Variants in PPP2R5E observed in about 807,000 individuals in gnomAD.
PPP2R5E encodes serine/threonine-protein phosphatase 2A 56 kDa regulatory subunit epsilon isoform.
Under a neutral mutation model 65.3 loss-of-function variants are expected in PPP2R5E, and 4 were observed. The observed-to-expected ratio is 0.06, with a 90% CI of 0.03 to 0.14. The LOEUF is 0.14. Ranked by LOEUF, PPP2R5E falls within the 10% of genes least tolerant of loss-of-function variation. The probability of loss-of-function intolerance (pLI) is 1.00; values close to 1 mark genes in which losing one functional copy is unlikely to be tolerated. For missense variants in PPP2R5E, 274 were observed against 556.1 expected (o/e 0.49, Z 5.10); for synonymous variants, 183 against 187.4 (o/e 0.98, Z 0.19).
chr14:63,396,793 C>T lies in PPP2R5E; in HGVS notation c.550-77G>A, dbSNP rs74060071. 2.3e-3 allele frequency: 3,463 copies of T among 1,537,788 alleles called. 73 individuals carry two copies. The African/African-American group carries it at 0.043, about 19-fold the overall frequency. On this transcript the variant is annotated intron_variant, in intron 5 of 13. Transcript: ENST00000337537. ...TTTAGGAATTCTATTATTTAAAATC[C>T]CCTTCTTCCTTCCTCAAAAAATGTG...
chr14:63,458,243 T>C (rs1298287227), intron 2 of PPP2R5E, among the ~76,000 whole-genome samples: 1 of 152,192 alleles, frequency 6.6e-6, no homozygotes. Flanking sequence ...GGCACTCCCC[T>C]CACCCTAATC....
chr14:63,531,963 A>C (rs189080578), intron 2 of PPP2R5E, among the ~76,000 whole-genome samples: 3 of 152,212 alleles, frequency 2.0e-5, no homozygotes, highest in African/African-American at 7.2e-5. Context: ...CAAAACACAC[A>C]CACACACACA....
intron 2 of PPP2R5E, among the ~76,000 whole-genome samples, chr14:63,470,126 C>T (rs1233364061): frequency 6.6e-6 from 1 of 152,008 alleles, no homozygotes; most frequent in Non-Finnish European, 1.5e-5. Flanking sequence ...CGCTAGAGTG[C>T]AGTGGCACAG....
At chr14:63,503,376 T>C (rs1891993299) in intron 2 of PPP2R5E, among the ~76,000 whole-genome samples, 1 of 151,830 alleles carries the variant, frequency 6.6e-6, no homozygotes, top group East Asian at 1.9e-4. Context: ...TATGTAGAGG[T>C]TAGAAACAAG....
chr14:63,434,176 A>G (rs907544697), intron 3 of PPP2R5E, among the ~76,000 whole-genome samples: 4 of 152,056 alleles, frequency 2.6e-5, no homozygotes, highest in African/African-American at 9.7e-5. Context: ...AATTCAAGTA[A>G]TTTAATTTGC....
chr14:63,421,976 A>T lies in PPP2R5E; in HGVS notation c.456+17T>A. On this transcript the variant is annotated intron_variant, in intron 4 of 13. Coordinates refer to ENST00000337537, the MANE Select transcript of PPP2R5E (RefSeq NM_006246.5). ...TTAATGGAGTTTTCTTTTATAACAA[A>T]TGGTATTTCAAAGTACCTGTAAGTG... 6.4e-7 allele frequency: 1 copy of T among 1,568,594 alleles called. No homozygotes were observed. The highest frequency in any genetic ancestry group is 8.8e-7 in the Non-Finnish European group (1 of 1,139,034).
chr14:63,404,488 A>C (rs1296771454), intron 5 of PPP2R5E, among the ~76,000 whole-genome samples: 1 of 152,208 alleles, frequency 6.6e-6, no homozygotes, highest in Non-Finnish European at 1.5e-5. Context: ...GAACAAAGAA[A>C]CCAGAGCCAA....
At chr14:63,435,854 A>C (rs1272816354) in intron 3 of PPP2R5E, among the ~76,000 whole-genome samples, 1 of 152,222 alleles carries the variant, frequency 6.6e-6, no homozygotes, top group East Asian at 1.9e-4. Context: ...AAACCATCAC[A>C]GGGAAATGAT....
At chr14:63,446,473 T>A (rs1397386054) in intron 3 of PPP2R5E, among the ~76,000 whole-genome samples, 1 of 152,264 alleles carries the variant, frequency 6.6e-6, no homozygotes, top group South Asian at 2.1e-4. Flanking sequence ...ATAATAAGAC[T>A]TGAAAATCAA....
chr14:63,383,114 A>G (rs1884464836), intron 12 of PPP2R5E, among the ~76,000 whole-genome samples: 1 of 152,218 alleles, frequency 6.6e-6, no homozygotes, highest in African/African-American at 2.4e-5. Flanking sequence ...CTAAACAGCC[A>G]AAATGGTAGC....
At chr14:63,415,720 TAAG>T (rs1374431779) in intron 4 of PPP2R5E, among the ~76,000 whole-genome samples, 1 of 152,220 alleles carries the variant, frequency 6.6e-6, no homozygotes, top group Non-Finnish European at 1.5e-5. Context: ...TTAGTAGCTG[TAAG>T]TAGTCCATTA....
chr14:63,402,316 T>G (rs913468151), intron 5 of PPP2R5E, among the ~76,000 whole-genome samples: 1 of 152,166 alleles, frequency 6.6e-6, no homozygotes, highest in Non-Finnish European at 1.5e-5. Context: ...AAGTCACCAG[T>G]TGCCAAGTGT....
chr14:63,385,910 T>C (rs148184476), intron 11 of PPP2R5E, among the ~76,000 whole-genome samples: 89 of 152,308 alleles, frequency 5.8e-4, no homozygotes, highest in African/African-American at 2.1e-3. Flanking sequence ...TTAGATCCCT[T>C]TTCTCTGCCC....
intron 2 of PPP2R5E, among the ~76,000 whole-genome samples, chr14:63,480,666 G>A (rs948346263): frequency 5.3e-5 from 8 of 152,148 alleles, no homozygotes; most frequent in East Asian, 3.9e-4. Flanking sequence ...GGCTGGTCTC[G>A]AACTCCTAGT....
rs35587312 is a variant in PPP2R5E at position 63,374,634 on chromosome 14, G to GATATAT, written c.*1369_*1374dup. 1,074 of 109,344 alleles carry GATATAT rather than the reference G, an allele frequency of 9.8e-3. 9 individuals are homozygous for GATATAT. The highest frequency in any genetic ancestry group is 0.013 in the Non-Finnish European group (741 of 59,006). 6.8% of individuals were successfully genotyped at this position (109,344 alleles called of 1,614,324 possible). A position where few individuals can be genotyped will look rare whatever the true frequency, so the allele number is the denominator to read the frequency against. On this transcript the variant is annotated 3_prime_UTR_variant, in exon 14 of 14. Coordinates refer to ENST00000337537, the MANE Select transcript of PPP2R5E (RefSeq NM_006246.5). ...TAAATACAAAGCAGAGAGCCAATAAGATATATATATATATATATATATATA... is the reference window on the plus strand; with the variant it reads ...TAAATACAAAGCAGAGAGCCAATAAGATATATATATATATATATATATATATATATA...
intron 13 of PPP2R5E, among the ~76,000 whole-genome samples, chr14:63,379,115 G>A (rs906885654): frequency 4.0e-5 from 6 of 150,078 alleles, no homozygotes; most frequent in African/African-American, 1.2e-4. Context: ...TGCAAGCTCT[G>A]CCTCCTGGGT....
At position 63,415,250 on chromosome 14, in the gene PPP2R5E, T is replaced by A. The variant is rs1431724952; in HGVS notation, c.457-18A>T. The A allele has an allele frequency of 1.9e-6, 3 of 1,545,872 alleles. No homozygotes were observed. The highest frequency in any genetic ancestry group is 3.4e-5 in the Admixed American group (2 of 59,014). ...TATACAAGCTGCAACAAACAGATTA[T>A]AATTAATTTCAAATTATGACTCACT... On this transcript the variant is annotated intron_variant, in intron 4 of 13. Coordinates refer to ENST00000337537, the MANE Select transcript of PPP2R5E (RefSeq NM_006246.5).
chr14:63,517,233 ATCC>A (rs1892705261), intron 2 of PPP2R5E, among the ~76,000 whole-genome samples: 1 of 152,190 alleles, frequency 6.6e-6, no homozygotes, highest in Non-Finnish European at 1.5e-5. Context: ...AAAATAGGAT[ATCC>A]TCCTAGTCAA....
At chr14:63,421,604 T>C (rs10145042) in intron 4 of PPP2R5E, among the ~76,000 whole-genome samples, 17,738 of 152,230 alleles carry the variant, frequency 0.12, 1,045 homozygotes, top group East Asian at 0.13. Flanking sequence ...ATGACAGACA[T>C]ACAAAGTTCC....
Sources: allele counts gnomAD v4.1 joint callset (sites outside exome capture counted in the v4.1 genomes callset), GRCh38; gene constraint gnomAD v4.1.1; transcripts MANE v1.5; gene names NCBI Gene and HGNC (gene_info 2026-07-23, HGNC 2026-07-21).